Variants in SPATA20 observed in about 807,000 individuals in gnomAD.
The protein encoded by SPATA20 is spermatogenesis-associated protein 20.
SPATA20 carries 74 observed loss-of-function variants against 98.9 expected under a neutral mutation model. The ratio of observed to expected loss-of-function variants is 0.75; its 90% CI spans 0.62 to 0.91. The LOEUF is 0.91. SPATA20 is among the 40% of genes least tolerant of loss of function. The probability of loss-of-function intolerance (pLI) is 0.00; values close to 1 mark genes in which losing one functional copy is unlikely to be tolerated. For synonymous variants in SPATA20, 430 were observed against 440.5 expected (o/e 0.98, Z 0.30); for missense variants, 1,016 against 1,069.8 (o/e 0.95, Z 0.70).
chr17:50,549,399 C>A lies in SPATA20; in HGVS notation c.774C>A (p.Thr258=). Residue 258 remains threonine, a synonymous_variant, in exon 7 of 17, where the codon ACC becomes ACA. Transcript: ENST00000006658. ...GDRQLPPSAA[T]VNNRCFQQLD... is the part of the protein sequence containing the mutation. ...GCCAGCTGCCGCCCTCTGCCGCCAC[C>A]GTGAACAATCGCTGCTTCCAGCAGC... 1 of 1,612,688 alleles carries A rather than the reference C, an allele frequency of 6.2e-7. No homozygotes were observed. Among genetic ancestry groups the A allele is most frequent in the Non-Finnish European group, 8.5e-7 (1 of 1,179,992 alleles).
In SPATA20 at chr17:50,555,580, C is replaced by T; in HGVS notation, c.2327C>T (p.Ala776Val). ...LSTLRRLEDQ[A>V]TAYVCENQAC... is the part of the protein sequence containing the mutation. ...ACCCTCCGACGGTTGGAAGACCAGG[C>T]CACTGCATATGTGTGTGAGAATCAA... Residue 776 changes from alanine (A) to valine (V), a missense_variant, in exon 17 of 17, where the codon GCC (alanine) becomes GTC (valine). Transcript: ENST00000006658. The T allele has an allele frequency of 6.2e-7, 1 of 1,614,086 alleles. No homozygotes were observed.
In SPATA20 at chr17:50,549,430, G is replaced by A. The variant is rs758861362; in HGVS notation, c.805G>A (p.Glu269Lys). The A allele has an allele frequency of 1.9e-6, 3 of 1,612,726 alleles. No homozygotes were observed. In the South Asian group the frequency reaches 3.3e-5, roughly 18 times the overall value. The change falls in exon 7 of 17, where the codon GAG becomes AAG. Residue 269 changes from glutamate (E) to lysine (K), a missense_variant. Glu to Lys is a moderately conservative substitution (Grantham distance 56). Transcript: ENST00000006658. Reference sequence around the variant, plus strand: ...CAATCGCTGCTTCCAGCAGCTGGATGAGGGCTATGATGAGGAATACGGTGG... The same window carrying A: ...CAATCGCTGCTTCCAGCAGCTGGATAAGGGCTATGATGAGGAATACGGTGG... Reference protein sequence around the residue: ...VNNRCFQQLDEGYDEEYGGFA... With the variant: ...VNNRCFQQLDKGYDEEYGGFA...
intron 14 of SPATA20, among the ~76,000 whole-genome samples, chr17:50,552,902 G>A (rs938766167): frequency 6.6e-6 from 1 of 152,184 alleles, no homozygotes; most frequent in African/African-American, 2.4e-5. Context: ...ACCTTACAGG[G>A]TTGATGTAAA....
At chr17:50,547,941 G>A in intron 2 of SPATA20, 174 bp downstream of exon 2, 1 of 1,509,956 alleles carries the variant, frequency 6.6e-7, no homozygotes, top group African/African-American at 1.4e-5. Flanking sequence ...GCTCCAGGAA[G>A]GGCCGGGGGA....
intron 14 of SPATA20, among the ~76,000 whole-genome samples, chr17:50,552,741 A>G (rs1309585354): frequency 4.0e-5 from 6 of 150,112 alleles, no homozygotes; most frequent in Admixed American, 2.7e-4. Flanking sequence ...TTTTGTAGAG[A>G]TGGGATTTCT....
intron 4 of SPATA20, 93 bp from the exon 5 acceptor site, chr17:50,548,717 G>A: frequency 5.7e-6 from 9 of 1,588,220 alleles, no homozygotes; most frequent in Non-Finnish European, 7.7e-6. Flanking sequence ...GGAGACTAGA[G>A]GCCAGGACGT....
intron 14 of SPATA20, among the ~76,000 whole-genome samples, chr17:50,552,460 T>C (rs975771149): frequency 7.0e-6 from 1 of 142,126 alleles, no homozygotes; most frequent in Non-Finnish European, 1.5e-5. Flanking sequence ...ACCACTACAC[T>C]CAGCGTGTTT....
In SPATA20 at chr17:50,552,104, T is replaced by C. The variant is rs2035026371; in HGVS notation, c.1881T>C (p.Phe627=). The change falls in exon 14 of 17, where the codon TTT becomes TTC. Residue 627 remains phenylalanine, a synonymous_variant. Coordinates refer to ENST00000006658, the MANE Select transcript of SPATA20 (RefSeq NM_022827.4). ...TGCAGGACACACAGGACAAGCTCTT[T>C]TGGGACTCCCAGGGTGGCGGCTACT... ...LRLQDTQDKL[F]WDSQGGGYFC... is the part of the protein sequence containing the mutation. 6.2e-7 allele frequency: 1 copy of C among 1,613,796 alleles called. No individual in the cohort carries two copies.
rs757690323 is a variant in SPATA20 at position 50,550,842 on chromosome 17, C to T, written c.1308C>T (p.Thr436=). The stretch of plus-strand genomic sequence containing the variant: ...TCCCGGAGCCTGTGTTGGGTGCCAC[C>T]GAGCCGCTGACCTCAGGCCAGCTCC... ...QLLPEPVLGA[T]EPLTSGQLLM... is the part of the protein sequence containing the mutation. The change falls in exon 11 of 17, where the codon ACC becomes ACT. Residue 436 remains threonine (T), a synonymous_variant. Coordinates refer to ENST00000006658, the MANE Select transcript of SPATA20 (RefSeq NM_022827.4). 32 of 1,612,618 alleles carry T rather than the reference C, an allele frequency of 2.0e-5. No individual in the cohort carries two copies. The highest frequency in any genetic ancestry group is 2.5e-5 in the Non-Finnish European group (29 of 1,180,012).
chr17:50,549,858 C>G, intron 7 of SPATA20, 127 bp from the exon 8 acceptor site: 1 of 1,085,476 alleles, frequency 9.2e-7, no homozygotes, highest in Non-Finnish European at 1.3e-6. Flanking sequence ...CTTGACCTCA[C>G]AGCCTGTCCA....
chr17:50,554,106 C>T (rs2035055934), intron 14 of SPATA20, 145 bp from the exon 15 acceptor site: 3 of 696,956 alleles, frequency 4.3e-6, no homozygotes, highest in Admixed American at 2.2e-5. Context: ...GAGTGGCATC[C>T]ACACCCAGAG....
Position 50,551,310 on chromosome 17 carries a change from C to G in SPATA20, c.1576+120C>G, listed in dbSNP as rs956949137. On this transcript the variant is annotated intron_variant, in intron 12 of 16. Coordinates refer to ENST00000006658, the MANE Select transcript of SPATA20 (RefSeq NM_022827.4). ...GATTAGCGTTATTATTCTCAGTTGA[C>G]AAAAGAGGCTTAAGGAGCTTGAGTA... 6.6e-6 allele frequency: 8 copies of G among 1,216,654 alleles called. No homozygotes were observed. In the Admixed American group the frequency reaches 2.1e-4, roughly 32 times the overall value. The allele number at this position is 1,216,654 out of a possible 1,614,324, so 75.4% of individuals were successfully genotyped here. A position where few individuals can be genotyped will look rare whatever the true frequency, so the allele number is the denominator to read the frequency against.
intron 11 of SPATA20, 22 bp downstream of exon 11, chr17:50,550,939 T>C (rs373958550): frequency 8.7e-6 from 14 of 1,612,176 alleles, no homozygotes; most frequent in Middle Eastern, 1.6e-4. Flanking sequence ...TGGGGTCACC[T>C]GACGGGCCCT....
At position 50,552,199 on chromosome 17, in the gene SPATA20, C is replaced by T; in HGVS notation, c.1957+19C>T. 6.2e-7 allele frequency: 1 copy of T among 1,609,902 alleles called. No homozygotes were observed. The highest frequency in any genetic ancestry group is 1.7e-4 in the Middle Eastern group (1 of 6,030). On this transcript the variant is annotated intron_variant, in intron 14 of 16. Coordinates refer to ENST00000006658, the MANE Select transcript of SPATA20 (RefSeq NM_022827.4). ...AAGGACGGTCAGTGGGGGTGCAGGGCTAGTCTGGGGTCCTGGGAGGTGTAA... is the reference window on the plus strand; with the variant it reads ...AAGGACGGTCAGTGGGGGTGCAGGGTTAGTCTGGGGTCCTGGGAGGTGTAA...
rs146367642 is a variant in SPATA20 at position 50,551,091 on chromosome 17, G to C, written c.1477G>C (p.Val493Leu). The C allele has an allele frequency of 2.5e-6, 4 of 1,613,060 alleles. No homozygotes were observed. The African/African-American group carries it at 4.0e-5, about 16-fold the overall frequency. Residue 493 changes from valine to leucine, a missense_variant, in exon 12 of 17, where the codon GTG (valine) becomes CTG (leucine). Transcript: ENST00000006658. ...CCGCTTTGGCTTGGATGTGGAGGCC[G>C]TGCGGACCTTGCTCAATTCAGGGCT... ...AARFGLDVEAVRTLLNSGLEK... is the reference protein window; with the variant it reads ...AARFGLDVEALRTLLNSGLEK...
At chr17:50,547,883 C>A in intron 2 of SPATA20, 116 bp downstream of exon 2, 2 of 1,243,648 alleles carry the variant, frequency 1.6e-6, no homozygotes, top group Non-Finnish European at 2.3e-6. Flanking sequence ...AGGCTGCCTT[C>A]CAGTGGGGCC....
rs754440452 is a variant in SPATA20 at position 50,550,845 on chromosome 17, G to A, written c.1311G>A (p.Glu437=). Residue 437 remains glutamate, a synonymous_variant, in exon 11 of 17, where the codon GAG becomes GAA. Coordinates refer to ENST00000006658, the MANE Select transcript of SPATA20 (RefSeq NM_022827.4). The part of the protein sequence containing the change: ...LLPEPVLGAT[E]PLTSGQLLMK... ...CGGAGCCTGTGTTGGGTGCCACCGA[G>A]CCGCTGACCTCAGGCCAGCTCCTCA... is the stretch of plus-strand genomic sequence containing the variant. 6.2e-7 allele frequency: 1 copy of A among 1,613,086 alleles called. No homozygotes were observed. Among genetic ancestry groups the A allele is most frequent in the South Asian group, 1.1e-5 (1 of 91,090 alleles).
rs377290910 is a variant in SPATA20 at position 50,551,011 on chromosome 17, A to C, written c.1397A>C (p.Glu466Ala). 1.9e-6 allele frequency: 3 copies of C among 1,613,214 alleles called. No homozygotes were observed. Among genetic ancestry groups the C allele is most frequent in the Non-Finnish European group, 2.5e-6 (3 of 1,179,954 alleles). ...CATTCTCCTCAGGACCCCAAGGGGG[A>C]GCTGCAGGGCCAGAATGTGCTGACC... is the stretch of plus-strand genomic sequence containing the variant. ...NISPSQDPKG[E>A]LQGQNVLTVR... The change falls in exon 12 of 17, where the codon GAG becomes GCG. Residue 466 changes from glutamate to alanine, a missense_variant. Coordinates refer to ENST00000006658, the MANE Select transcript of SPATA20 (RefSeq NM_022827.4).
chr17:50,551,909 T>C, intron 13 of SPATA20, 60 bp from the exon 14 acceptor site: 1 of 1,449,926 alleles, frequency 6.9e-7, no homozygotes, highest in Non-Finnish European at 9.4e-7. Flanking sequence ...GGGCCTCCTC[T>C]GGGAAAGGCC....
Sources: allele counts gnomAD v4.1 joint callset (sites outside exome capture counted in the v4.1 genomes callset), GRCh38; gene constraint gnomAD v4.1.1; transcripts MANE v1.5; gene names NCBI Gene and HGNC (gene_info 2026-07-23, HGNC 2026-07-21).